Variants in SLC3A1 observed in about 807,000 individuals in gnomAD.
The protein encoded by SLC3A1 is solute carrier family 3 member 1, also known as amino acid transporter heavy chain SLC3A1.
A neutral mutation model predicts 60.3 loss-of-function variants in SLC3A1; 78 were observed. The ratio of observed to expected loss-of-function variants is 1.29; its 90% CI spans 1.08 to 1.56. The LOEUF (loss-of-function observed/expected upper bound fraction) is 1.56. Ranked by LOEUF, SLC3A1 falls within the 40% of genes most tolerant of loss-of-function variation. The pLI is 0.00. For synonymous variants in SLC3A1, 392 were observed against 307.9 expected (o/e 1.27, Z -2.86); for missense variants, 1,172 against 858.9 (o/e 1.36, Z -4.56).
chr2:44,291,994 T>C (rs1038349522), intron 4 of SLC3A1, among the ~76,000 whole-genome samples: 1 of 152,188 alleles, frequency 6.6e-6, no homozygotes, highest in Non-Finnish European at 1.5e-5. Flanking sequence ...ATCAGGGGTA[T>C]ATATTTGTAT....
rs770576729 is a variant in SLC3A1 at position 44,300,110 on chromosome 2, G to T, written c.1011+20G>T. On this transcript the variant is annotated intron_variant, in intron 5 of 9. Coordinates refer to ENST00000260649, the MANE Select transcript of SLC3A1 (RefSeq NM_000341.4). ...ATCCCGGTAAAGTTTTATTTTAAAC[G>T]TTTTTCTTTTGCCTTTTCTGAAAAT... is the stretch of plus-strand genomic sequence containing the variant. 1.9e-6 allele frequency: 3 copies of T among 1,612,806 alleles called. No homozygotes were observed. The highest frequency in any genetic ancestry group is 2.5e-6 in the Non-Finnish European group (3 of 1,179,144).
intron 6 of SLC3A1, chr2:44,301,419 C>T (rs1179093171): frequency 5.1e-6 from 3 of 592,920 alleles, no homozygotes; most frequent in Non-Finnish European, 9.0e-6. Flanking sequence ...TAAATGTTAG[C>T]CATGAGCTAT....
Position 44,275,726 on chromosome 2 carries a change from C to T in SLC3A1, c.191C>T (p.Pro64Leu). 3 of 1,614,218 alleles carry T rather than the reference C, an allele frequency of 1.9e-6. No homozygotes were observed. Among genetic ancestry groups the T allele is most frequent in the Non-Finnish European group, 2.5e-6 (3 of 1,180,016 alleles). ...SQEPDFKGVQPYAGMPKEVLF... is the reference protein window; with the variant it reads ...SQEPDFKGVQLYAGMPKEVLF... The stretch of plus-strand genomic sequence containing the variant: ...GAGCCCGACTTCAAGGGCGTCCAGC[C>T]CTATGCGGGGATGCCCAAGGAGGTG... Residue 64 changes from proline (P) to leucine (L), a missense_variant, in exon 1 of 10, where the codon CCC becomes CTC. Pro to Leu is a moderately conservative substitution (Grantham distance 98). Transcript: ENST00000260649.
At chr2:44,307,164 T>C (rs894456074) in intron 7 of SLC3A1, among the ~76,000 whole-genome samples, 2 of 152,234 alleles carry the variant, frequency 1.3e-5, no homozygotes, top group African/African-American at 4.8e-5. Context: ...ATCCATGTTG[T>C]AGTATGTCTC....
chr2:44,320,571 G>C lies in SLC3A1; in HGVS notation c.1990G>C (p.Asp664His). The change falls in exon 10 of 10, where the codon GAT becomes CAT. Residue 664 changes from aspartate to histidine, a missense_variant. By Grantham distance (81) the Asp-to-His change is moderately conservative. Transcript: ENST00000260649. ...NLLHRQTAFR[D>H]RCFVSNRACY... ...CCTTCATCGCCAAACAGCTTTCAGA[G>C]ATAGATGCTTTGTTTCCAATCGAGC... 3.1e-6 allele frequency: 5 copies of C among 1,614,056 alleles called. No homozygotes were observed. The highest frequency in any genetic ancestry group is 2.2e-5 in the East Asian group (1 of 44,876).
chr2:44,318,159 C>A (rs72802996), intron 9 of SLC3A1: 1 of 434,536 alleles, frequency 2.3e-6, no homozygotes, highest in Non-Finnish European at 4.6e-6. Context: ...GGCGTGATCT[C>A]GGCACACTGC....
At chr2:44,291,410 T>C (rs946780956) in intron 4 of SLC3A1, among the ~76,000 whole-genome samples, 1 of 152,238 alleles carries the variant, frequency 6.6e-6, no homozygotes, top group Non-Finnish European at 1.5e-5. Context: ...CTCTTCCAGA[T>C]ACCCAAGCCG....
intron 7 of SLC3A1, among the ~76,000 whole-genome samples, chr2:44,306,876 G>C (rs1442481103): frequency 1.3e-5 from 2 of 152,086 alleles, no homozygotes; most frequent in African/African-American, 4.8e-5. Context: ...CGTTATTAAA[G>C]TATATAATTA....
intron 4 of SLC3A1, among the ~76,000 whole-genome samples, chr2:44,299,686 ACT>A (rs1247571676): frequency 2.6e-5 from 4 of 152,046 alleles, no homozygotes; most frequent in African/African-American, 4.8e-5. Context: ...TTTTTAGTAG[ACT>A]CTCTAAACTT....
chr2:44,280,620 A>G, intron 1 of SLC3A1, 96 bp from the exon 2 acceptor site: 1 of 857,254 alleles, frequency 1.2e-6, no homozygotes, highest in South Asian at 1.5e-5. Context: ...TTTTGCCTTC[A>G]TGTAAATATT....
intron 9 of SLC3A1, chr2:44,314,452 T>G (rs1178259649): frequency 1.1e-5 from 2 of 184,960 alleles, no homozygotes; most frequent in African/African-American, 2.4e-5. Flanking sequence ...GCTTTTACCC[T>G]TTTTTCTGTT....
At chr2:44,316,981 A>T (rs1261838591) in intron 9 of SLC3A1, among the ~76,000 whole-genome samples, 1 of 152,204 alleles carries the variant, frequency 6.6e-6, no homozygotes, top group African/African-American at 2.4e-5. Context: ...GGTATTCTGG[A>T]ACAAAAATCT....
intron 3 of SLC3A1, among the ~76,000 whole-genome samples, chr2:44,284,277 A>G (rs759806092): frequency 6.6e-6 from 1 of 152,038 alleles, no homozygotes; most frequent in Non-Finnish European, 1.5e-5. Context: ...ACAGGGTTTC[A>G]CCATATTGGC....
At chr2:44,306,808 T>C (rs1004618627) in intron 7 of SLC3A1, among the ~76,000 whole-genome samples, 6 of 151,976 alleles carry the variant, frequency 3.9e-5, no homozygotes, top group Non-Finnish European at 8.8e-5. Context: ...CCACCCATCT[T>C]GGCCTCCCAA....
At chr2:44,299,174 G>A (rs947629723) in intron 4 of SLC3A1, among the ~76,000 whole-genome samples, 7 of 151,940 alleles carry the variant, frequency 4.6e-5, no homozygotes, top group Non-Finnish European at 8.8e-5. Flanking sequence ...GAGTAGCTGG[G>A]ATTATGGGCA....
At chr2:44,309,760 G>A (rs1672248276) in intron 7 of SLC3A1, among the ~76,000 whole-genome samples, 1 of 152,116 alleles carries the variant, frequency 6.6e-6, no homozygotes, top group African/African-American at 2.4e-5. Flanking sequence ...CAACATGACT[G>A]GCTAATTTTT....
At chr2:44,276,004 G>C in intron 1 of SLC3A1, 39 bp downstream of exon 1, 1 of 1,587,924 alleles carries the variant, frequency 6.3e-7, no homozygotes, top group South Asian at 1.1e-5. Flanking sequence ...GTGCCAGGAT[G>C]AGATTGGTTT....
At chr2:44,310,241 T>G (rs1447526502) in intron 7 of SLC3A1, among the ~76,000 whole-genome samples, 1 of 152,170 alleles carries the variant, frequency 6.6e-6, no homozygotes, top group Non-Finnish European at 1.5e-5. Context: ...CAAACTGTTT[T>G]CCATAGTGAC....
chr2:44,315,178 A>T (rs1672398200), intron 9 of SLC3A1: 1 of 152,030 alleles, frequency 6.6e-6, no homozygotes, highest in Non-Finnish European at 1.5e-5. Flanking sequence ...CCTGATCTCA[A>T]GTGATCCGCC....
Sources: allele counts gnomAD v4.1 joint callset (sites outside exome capture counted in the v4.1 genomes callset), GRCh38; gene constraint gnomAD v4.1.1; transcripts MANE v1.5; gene names NCBI Gene and HGNC (gene_info 2026-07-23, HGNC 2026-07-21).